The following TBC1D3B variants were observed in gnomAD, a reference collection of about 807,000 sequenced individuals.
TBC1D3B encodes TBC1 domain family member 3B, also known as Rab GTPase-activating protein PRC17 duplicate.
In TBC1D3B, 2 loss-of-function variants were observed where a neutral mutation model predicts 27.1. The ratio of observed to expected loss-of-function variants is 0.07; its 90% CI spans 0.03 to 0.23. The LOEUF (loss-of-function observed/expected upper bound fraction) is 0.23. Ranked by LOEUF, TBC1D3B falls within the 10% of genes least tolerant of loss-of-function variation. The pLI is 1.00. For synonymous variants in TBC1D3B, 3 were observed against 150.1 expected, an observed-to-expected ratio of 0.02 and a Z score of 7.16; for missense variants, 17 against 401.3, an observed-to-expected ratio of 0.04 and a Z score of 8.18.
chr17:36,165,763 G>C lies in TBC1D3B; in HGVS notation c.*232C>G. The C allele has an allele frequency of 1.1e-6, 1 of 927,170 alleles. No homozygotes were observed. Among genetic ancestry groups the C allele is most frequent in the Non-Finnish European group, 1.7e-6 (1 of 603,388 alleles). 57.4% of individuals were successfully genotyped at this position (927,170 alleles called of 1,614,324 possible). A position where few individuals can be genotyped will look rare whatever the true frequency, so the allele number is the denominator to read the frequency against. On this transcript the variant is annotated 3_prime_UTR_variant, in exon 14 of 14. Coordinates refer to ENST00000611257, the MANE Select transcript of TBC1D3B (RefSeq NM_001001417.7). ...TAAAGTACAAAGGCAGGCTCACGGT[G>C]TCGTCAGAATTCAGAACGATGGTCG... is the stretch of plus-strand genomic sequence containing the variant.
At chr17:36,171,085 G>T (rs1406317814) in intron 7 of TBC1D3B, among the ~76,000 whole-genome samples, 1 of 139,674 alleles carries the variant, frequency 7.2e-6, no homozygotes, top group Non-Finnish European at 1.7e-5. Flanking sequence ...CCTAGGAATG[G>T]GAATCCTACG....
rs2068242953 is a variant in TBC1D3B, at chr17:36,165,884, T to A, written c.*111A>T. 6.2e-6 allele frequency: 6 copies of A among 972,798 alleles called. No individual in the cohort carries two copies. Among genetic ancestry groups the A allele is most frequent in the Admixed American group, 2.0e-5 (1 of 50,462 alleles). 60.3% of individuals were successfully genotyped at this position (972,798 alleles called of 1,614,324 possible). Reference sequence around the variant, plus strand: ...CTGAATGTCTCTCAAGCTGCACTCTTTCTTAATACATATTCATAAGTTTAA... The same window carrying A: ...CTGAATGTCTCTCAAGCTGCACTCTATCTTAATACATATTCATAAGTTTAA... On this transcript the variant is annotated 3_prime_UTR_variant, in exon 14 of 14. Coordinates refer to ENST00000611257, the MANE Select transcript of TBC1D3B (RefSeq NM_001001417.7).
intron 10 of TBC1D3B, 28 bp downstream of exon 10, chr17:36,169,052 G>A: frequency 6.2e-7 from 1 of 1,604,468 alleles, no homozygotes; most frequent in Non-Finnish European, 8.5e-7. Context: ...AGGGCCTCTG[G>A]GAAGAGCTGA....
rs367766945 is a variant in TBC1D3B, at chr17:36,165,928, C to T, written c.*67G>A. The T allele has an allele frequency of 1.3e-4, 132 of 1,017,860 alleles. 9 individuals carry two copies. Among genetic ancestry groups the T allele is most frequent in the Middle Eastern group, 9.0e-4 (3 of 3,328 alleles). 63.1% of individuals were successfully genotyped at this position (1,017,860 alleles called of 1,614,324 possible). On this transcript the variant is annotated 3_prime_UTR_variant, in exon 14 of 14. Transcript: ENST00000611257. The stretch of plus-strand genomic sequence containing the variant: ...AGTTTAACCAAAAATAAAACGAGGA[C>T]GCGAAGCTTGCTTGGGTTGTTAAGC...
intron 9 of TBC1D3B, among the ~76,000 whole-genome samples, chr17:36,169,503 G>T (rs1449958556): frequency 2.0e-5 from 3 of 150,024 alleles, no homozygotes; most frequent in African/African-American, 7.2e-5. Context: ...GGGGAACAGG[G>T]GATGGGGAGA....
In TBC1D3B at chr17:36,171,253, G is replaced by A. The variant is rs1428850394; in HGVS notation, c.497+602C>T. Among the ~76,000 whole-genome samples, 452 of 148,880 alleles carry A rather than the reference G, an allele frequency of 3.0e-3. 1 individual carries two copies. Among genetic ancestry groups the A allele is most frequent in the Middle Eastern group, 0.02 (6 of 294 alleles). ...TCTCCCCATTCCCGTGTTGAAGGCC[G>A]TCCCCGAAGGCTCCGTGTGTGAGTG... On this transcript the variant is annotated intron_variant, in intron 7 of 13. Transcript: ENST00000611257.
In TBC1D3B at chr17:36,174,932, G is replaced by A; in HGVS notation, c.72+47C>T. ...TAGGGAGCCCAAGACCCTTTGACCA[G>A]GGCACACTGGAAGAGGCCTCCCTCC... On this transcript the variant is annotated intron_variant, in intron 2 of 13. Transcript: ENST00000611257. 17 of 516,146 alleles carry A rather than the reference G, an allele frequency of 3.3e-5. 7 individuals are homozygous for A. The highest frequency in any genetic ancestry group is 4.9e-5 in the Non-Finnish European group (17 of 347,858). 32.0% of individuals were successfully genotyped at this position (516,146 alleles called of 1,614,324 possible). A position where few individuals can be genotyped will look rare whatever the true frequency, so the allele number is the denominator to read the frequency against.
Position 36,172,305 on chromosome 17 carries a change from CG to C in TBC1D3B, c.375del (p.Gly126GlufsTer6). The C allele has an allele frequency of 2.3e-6, 3 of 1,332,390 alleles. 1 individual carries two copies. The highest frequency in any genetic ancestry group is 3.3e-6 in the Non-Finnish European group (3 of 922,642). The allele number at this position is 1,332,390 out of a possible 1,614,324, so 82.5% of individuals were successfully genotyped here. ...CTGGCTGAGCGTACCTGGTATCTTC[CG>C]GGGTTTTTCAACTTCATTTCCTCAA... is the stretch of plus-strand genomic sequence containing the variant. ...LNIEEMKLKNPGRYQIMKEKG... is the reference protein window; with the variant it reads ...LNIEEMKLKNXGRYQIMKEKG... On this transcript the variant is annotated frameshift_variant, in exon 6 of 14. Transcript: ENST00000611257. LOFTEE classifies it high-confidence loss of function.
Position 36,165,966 on chromosome 17 carries a change from T to A in TBC1D3B, c.*29A>T. The A allele has an allele frequency of 2.7e-6, 3 of 1,101,112 alleles. 1 individual carries two copies. Among genetic ancestry groups the A allele is most frequent in the Non-Finnish European group, 3.9e-6 (3 of 762,046 alleles). The allele number at this position is 1,101,112 out of a possible 1,614,324, so 68.2% of individuals were successfully genotyped here. A position where few individuals can be genotyped will look rare whatever the true frequency, so the allele number is the denominator to read the frequency against. On this transcript the variant is annotated 3_prime_UTR_variant, in exon 14 of 14. Coordinates refer to ENST00000611257, the MANE Select transcript of TBC1D3B (RefSeq NM_001001417.7). ...TGGGTTGTTAAGCCTAGGGAAATTATCCAGCCATGAGCCCTGGCCCAGATG... is the reference window on the plus strand; with the variant it reads ...TGGGTTGTTAAGCCTAGGGAAATTAACCAGCCATGAGCCCTGGCCCAGATG...
intron 7 of TBC1D3B, among the ~76,000 whole-genome samples, chr17:36,171,528 G>A (rs2068356176): frequency 6.6e-6 from 1 of 151,174 alleles, no homozygotes; most frequent in African/African-American, 2.4e-5. Context: ...GGGGCTCATG[G>A]GCCCTCTATC....
intron 13 of TBC1D3B, among the ~76,000 whole-genome samples, chr17:36,167,311 G>C (rs2068270583): frequency 1.2e-4 from 6 of 51,744 alleles, no homozygotes; most frequent in African/African-American, 2.3e-4. Context: ...GGGCTTGTTG[G>C]AGGGTCTTGC....
At chr17:36,169,564 G>A (rs1767360832) in intron 9 of TBC1D3B, among the ~76,000 whole-genome samples, 1 of 146,898 alleles carries the variant, frequency 6.8e-6, no homozygotes, top group South Asian at 2.1e-4. Flanking sequence ...ATGGCAGCAG[G>A]AGCCCGGGCA....
At chr17:36,171,415 GC>G (rs1438897533) in intron 7 of TBC1D3B, among the ~76,000 whole-genome samples, 2 of 150,826 alleles carry the variant, frequency 1.3e-5, no homozygotes, top group Non-Finnish European at 3.0e-5. Flanking sequence ...TGCCCAACTG[GC>G]TGCCAACGTG....
intron 7 of TBC1D3B, among the ~76,000 whole-genome samples, chr17:36,171,506 C>T (rs200001440): frequency 1.3e-5 from 2 of 151,338 alleles, no homozygotes; most frequent in Admixed American, 6.6e-5. Context: ...GGTGCTGTCA[C>T]TGTTGCCTGG....
intron 7 of TBC1D3B, among the ~76,000 whole-genome samples, chr17:36,171,098 G>A (rs1300932950): frequency 7.0e-6 from 1 of 143,034 alleles, no homozygotes; most frequent in African/African-American, 2.4e-5. Flanking sequence ...ATCCTACGGT[G>A]GTAGCTTATT....
rs1435092948 is a variant in TBC1D3B, at chr17:36,167,052, G to T, written c.1082-489C>A. Among the ~76,000 whole-genome samples the T allele has an allele frequency of 1.9e-4, 20 of 105,644 alleles. 2 individuals carry two copies. In the East Asian group the frequency reaches 4.0e-3, roughly 21 times the overall value. 69.3% of individuals were successfully genotyped at this position (105,644 alleles called of 152,430 possible). A position where few individuals can be genotyped will look rare whatever the true frequency, so the allele number is the denominator to read the frequency against. ...ACTCTTGGCTCTGGCTCTGGGCCCGGGGTCCCGCCTGTGCCCTCTCCCTGA... is the reference window on the plus strand; with the variant it reads ...ACTCTTGGCTCTGGCTCTGGGCCCGTGGTCCCGCCTGTGCCCTCTCCCTGA... On this transcript the variant is annotated intron_variant, in intron 13 of 13. Transcript: ENST00000611257.
intron 9 of TBC1D3B, among the ~76,000 whole-genome samples, 190 bp from the exon 10 acceptor site, chr17:36,169,364 A>C (rs1192601548): frequency 1.3e-3 from 189 of 147,148 alleles, no homozygotes; most frequent in South Asian, 5.2e-3. Context: ...GCCTGGCTGG[A>C]GGTTCCCCTG....
chr17:36,173,756 GA>G, intron 3 of TBC1D3B: 2 of 13,458 alleles, frequency 1.5e-4, no homozygotes, highest in Admixed American at 3.4e-4. Context: ...TGCTGGAGCT[GA>G]GAAAGGTTAG....
chr17:36,171,252 C>G (rs1442821074), intron 7 of TBC1D3B, among the ~76,000 whole-genome samples: 1 of 150,698 alleles, frequency 6.6e-6, no homozygotes. Context: ...TGTTGAAGGC[C>G]GTCCCCGAAG....
Sources: allele counts gnomAD v4.1 joint callset (sites outside exome capture counted in the v4.1 genomes callset), GRCh38; gene constraint gnomAD v4.1.1; transcripts MANE v1.5; gene names NCBI Gene and HGNC (gene_info 2026-07-23, HGNC 2026-07-21).